TET2: variants seen among roughly 807,000 people sequenced by gnomAD.
TET2 encodes the protein methylcytosine dioxygenase TET2.
A neutral mutation model predicts 142.9 loss-of-function variants in TET2; 299 were observed. The observed-to-expected ratio is 2.09, with a 90% CI of 1.90 to 2.30. The LOEUF is 2.30. TET2 is among the 30% of genes most tolerant of loss of function. The pLI is 0.00. For missense variants in TET2, 2,418 were observed against 2,378.0 expected (o/e 1.02, Z -0.35); for synonymous variants, 819 against 849.0 (o/e 0.96, Z 0.61).
chr4:105,257,075 C>T (rs1730173284), intron 6 of TET2, among the ~76,000 whole-genome samples: 1 of 152,086 alleles, frequency 6.6e-6, no homozygotes, highest in African/African-American at 2.4e-5. Context: ...CAGGAATAGC[C>T]TCTATTGACT....
At chr4:105,262,842 T>C (rs1730506554) in intron 8 of TET2, among the ~76,000 whole-genome samples, 1 of 151,340 alleles carries the variant, frequency 6.6e-6, no homozygotes, top group African/African-American at 2.4e-5. Flanking sequence ...AGTCAAACCA[T>C]TGCACTCCAG....
At chr4:105,153,009 A>T (rs1361738022) in intron 1 of TET2, among the ~76,000 whole-genome samples, 1 of 152,212 alleles carries the variant, frequency 6.6e-6, no homozygotes, top group East Asian at 1.9e-4. Context: ...GGCTATGGCA[A>T]TTGCCCTATA....
At chr4:105,259,595 G>A in intron 6 of TET2, 24 bp from the exon 7 acceptor site, 8 of 1,549,508 alleles carry the variant, frequency 5.2e-6, no homozygotes, top group Non-Finnish European at 7.0e-6. Flanking sequence ...CCATAGCAAT[G>A]AATTTGGTCT....
chr4:105,258,152 T>C (rs971202174), intron 6 of TET2, among the ~76,000 whole-genome samples: 1 of 152,182 alleles, frequency 6.6e-6, no homozygotes, highest in African/African-American at 2.4e-5. Context: ...TTTTTTTCCC[T>C]TGAACAAATT....
At chr4:105,257,209 G>A (rs1380269897) in intron 6 of TET2, among the ~76,000 whole-genome samples, 1 of 152,144 alleles carries the variant, frequency 6.6e-6, no homozygotes, top group African/African-American at 2.4e-5. Context: ...CAAAGCAGGA[G>A]CATCACTTAA....
intron 10 of TET2, 137 bp from the exon 11 acceptor site, chr4:105,274,911 C>G (rs1466879415): frequency 1.1e-5 from 13 of 1,166,080 alleles, no homozygotes; most frequent in African/African-American, 1.6e-5. Context: ...CCTGACTTTG[C>G]TCTTATCTTT....
At chr4:105,201,199 G>T (rs1034448749) in intron 2 of TET2, among the ~76,000 whole-genome samples, 2 of 152,044 alleles carry the variant, frequency 1.3e-5, no homozygotes, top group African/African-American at 4.8e-5. Context: ...ATTTAGAAAT[G>T]TTATACTTGA....
intron 2 of TET2, among the ~76,000 whole-genome samples, chr4:105,200,674 T>G (rs1386552763): frequency 6.6e-6 from 1 of 151,992 alleles, no homozygotes. Flanking sequence ...TGTTTTTGTT[T>G]TTTTGGAGAT....
At chr4:105,175,661 A>T (rs142741274) in intron 1 of TET2, among the ~76,000 whole-genome samples, 2 of 152,256 alleles carry the variant, frequency 1.3e-5, no homozygotes, top group African/African-American at 4.8e-5. Context: ...TATTTGAAGA[A>T]ATAGTGTGTG....
chr4:105,236,697 T>TA lies in TET2; in HGVS notation c.2756dup (p.Tyr919Ter). The TA allele has an allele frequency of 6.2e-7, 1 of 1,614,060 alleles. No individual in the cohort carries two copies. Among genetic ancestry groups the TA allele is most frequent in the Non-Finnish European group, 8.5e-7 (1 of 1,180,010 alleles). Residue 919 changes from tyrosine to a stop codon, truncating the protein, a stop_gained and frameshift_variant, in exon 3 of 11, where the codon TAC (tyrosine) becomes TAAC (stop). Transcript: ENST00000380013. LOFTEE classifies it high-confidence loss of function. ...AGCTGCGCAACTTGCTCAGCAAAGG[T>TA]ACTTGATACATAACCATGCAAATGT... ...QQAAQLAQQR[Y>*]LIHNHANVFP...
intron 2 of TET2, among the ~76,000 whole-genome samples, chr4:105,218,244 T>A (rs1024765050): frequency 1.3e-5 from 2 of 152,052 alleles, no homozygotes; most frequent in Non-Finnish European, 2.9e-5. Context: ...AGAATTTATG[T>A]TCCTAGTGAT....
intron 6 of TET2, among the ~76,000 whole-genome samples, chr4:105,253,110 A>C (rs1319295870): frequency 6.6e-6 from 1 of 152,108 alleles, no homozygotes; most frequent in African/African-American, 2.4e-5. Context: ...TGAGTTGGCT[A>C]TTCTTTTGCC....
chr4:105,241,675 G>A, intron 4 of TET2: 1 of 1,277,668 alleles, frequency 7.8e-7, no homozygotes, highest in South Asian at 3.3e-5. Flanking sequence ...AGAAAACCCA[G>A]GCATGAACAG....
Position 105,269,734 on chromosome 4 carries a change from A to G in TET2, c.4169A>G (p.Asn1390Ser). 3.9e-6 allele frequency: 6 copies of G among 1,551,668 alleles called. No homozygotes were observed. The highest frequency in any genetic ancestry group is 5.2e-6 in the Non-Finnish European group (6 of 1,146,932). The change falls in exon 9 of 11, where the codon AAT (asparagine) becomes AGT (serine). Residue 1390 changes from asparagine (N) to serine (S), a missense_variant. Coordinates refer to ENST00000380013, the MANE Select transcript of TET2 (RefSeq NM_001127208.3). ...HAHRDLHNMQNGSTLVCTLTR... is the reference protein window; with the variant it reads ...HAHRDLHNMQSGSTLVCTLTR... Reference sequence around the variant, plus strand: ...CACAGAGACTTGCACAACATGCAGAATGGCAGCACATTGGTAAGTTGGGCT... The same window carrying G: ...CACAGAGACTTGCACAACATGCAGAGTGGCAGCACATTGGTAAGTTGGGCT...
At chr4:105,230,538 A>G (rs1728447387) in intron 2 of TET2, among the ~76,000 whole-genome samples, 1 of 152,220 alleles carries the variant, frequency 6.6e-6, no homozygotes, top group Non-Finnish European at 1.5e-5. Flanking sequence ...GGAGAAGAGA[A>G]AAAAACTGTA....
At chr4:105,182,033 A>G (rs1725150320) in intron 1 of TET2, among the ~76,000 whole-genome samples, 1 of 152,158 alleles carries the variant, frequency 6.6e-6, no homozygotes, top group African/African-American at 2.4e-5. Context: ...ATTTTTAAAT[A>G]TTGCATCTTT....
chr4:105,240,987 G>GT (rs879536394), intron 3 of TET2: 10,634 of 984,644 alleles, frequency 0.011, 14 homozygotes, highest in Non-Finnish European at 0.011. Flanking sequence ...AGCTTTAAAT[G>GT]TTTTTTTTTT....
At chr4:105,241,178 C>T in intron 3 of TET2, 161 bp from the exon 4 acceptor site, 1 of 1,283,008 alleles carries the variant, frequency 7.8e-7, no homozygotes, top group Non-Finnish European at 1.0e-6. Flanking sequence ...GGCACATTTT[C>T]TAATAGATCA....
intron 2 of TET2, among the ~76,000 whole-genome samples, chr4:105,191,233 C>CT (rs150633565): frequency 0.022 from 3,301 of 152,212 alleles, 49 homozygotes; most frequent in Non-Finnish European, 0.036. Flanking sequence ...ATACAAAATA[C>CT]TTTTTTAATC....
Sources: gnomAD v4.1 joint callset for allele counts (sites outside exome capture counted in the v4.1 genomes callset) on GRCh38, gnomAD v4.1.1 for gene constraint, MANE v1.5 for transcripts, NCBI Gene and HGNC (gene_info 2026-07-23, HGNC 2026-07-21) for gene names.